Variants in SLAMF6 observed in about 807,000 individuals in gnomAD.
SLAMF6 encodes the protein SLAM family member 6.
In SLAMF6, 21 loss-of-function variants were observed where a neutral mutation model predicts 38.3. That is an observed-to-expected ratio of 0.55 (90% CI 0.39 to 0.79). SLAMF6 has a LOEUF of 0.79. Among genes scored for constraint, SLAMF6 ranks in the 30% least tolerant of loss-of-function variants. The pLI, the probability that SLAMF6 is intolerant of heterozygous loss-of-function variation, is 0.00. For synonymous variants in SLAMF6, 152 were observed against 146.3 expected (o/e 1.04, Z -0.28); for missense variants, 341 against 385.3 (o/e 0.89, Z 0.96).
Position 160,486,692 on chromosome 1 carries a change from AG to A in SLAMF6, c.*14del. ...GACGTGTCATTCCCGAATTCCTCTG[AG>A]GCCTTTCAGCAACTTACACGACATT... On this transcript the variant is annotated 3_prime_UTR_variant, in exon 8 of 8. Coordinates refer to ENST00000368057, the MANE Select transcript of SLAMF6 (RefSeq NM_001184714.2). 1 of 1,613,056 alleles carries A rather than the reference AG, an allele frequency of 6.2e-7. No homozygotes were observed. Among genetic ancestry groups the A allele is most frequent in the Non-Finnish European group, 8.5e-7 (1 of 1,179,116 alleles).
At chr1:160,510,645 A>C (rs1171785623) in intron 1 of SLAMF6, among the ~76,000 whole-genome samples, 1 of 152,210 alleles carries the variant, frequency 6.6e-6, no homozygotes, top group Non-Finnish European at 1.5e-5. Context: ...TCAAGGATAA[A>C]AGACTAAAAG....
chr1:160,491,445 C>T, intron 2 of SLAMF6, 57 bp from the exon 3 acceptor site: 1 of 1,566,390 alleles, frequency 6.4e-7, no homozygotes. Context: ...GCTCAACCCC[C>T]TGTGAAAAAT....
chr1:160,508,258 ATAC>A (rs965865859), intron 1 of SLAMF6, among the ~76,000 whole-genome samples: 96 of 152,340 alleles, frequency 6.3e-4, no homozygotes, highest in African/African-American at 2.3e-3. Flanking sequence ...ACTTCAAAAT[ATAC>A]TACAAGGCTA....
chr1:160,489,971 C>A (rs1653192387), intron 5 of SLAMF6, among the ~76,000 whole-genome samples: 1 of 152,100 alleles, frequency 6.6e-6, no homozygotes, highest in Non-Finnish European at 1.5e-5. Flanking sequence ...GTGAATGAAC[C>A]TGATATCACC....
In SLAMF6 at chr1:160,496,386, T is replaced by C. The variant is rs1571290185; in HGVS notation, c.57A>G (p.Val19=). The change falls in exon 2 of 8, where the codon GTA becomes GTG. Residue 19 remains valine (V), a synonymous_variant. Coordinates refer to ENST00000368057, the MANE Select transcript of SLAMF6 (RefSeq NM_001184714.2). ...ATGGGGTTAAGCTGCTTTGTGAAACTACATTCCCTGTAAACACAGAAGGAA... is the reference window on the plus strand; with the variant it reads ...ATGGGGTTAAGCTGCTTTGTGAAACCACATTCCCTGTAAACACAGAAGGAA... ...LFVFCFGPGN[V]VSQSSLTPLM... is the part of the protein sequence containing the mutation. 6.2e-7 allele frequency: 1 copy of C among 1,612,552 alleles called. No individual in the cohort carries two copies. The highest frequency in any genetic ancestry group is 8.5e-7 in the Non-Finnish European group (1 of 1,178,848).
At chr1:160,503,490 G>C (rs1006231631) in intron 1 of SLAMF6, among the ~76,000 whole-genome samples, 6 of 152,072 alleles carry the variant, frequency 3.9e-5, no homozygotes, top group African/African-American at 1.4e-4. Context: ...TTGTAGCCCA[G>C]GAACAGGGAA....
At chr1:160,519,504 A>G (rs976270502) in intron 1 of SLAMF6, among the ~76,000 whole-genome samples, 4 of 152,218 alleles carry the variant, frequency 2.6e-5, no homozygotes, top group Non-Finnish European at 5.9e-5. Context: ...TTGTACACAT[A>G]GCAGCACTAT....
At chr1:160,495,204 G>A (rs1274243316) in intron 2 of SLAMF6, among the ~76,000 whole-genome samples, 1 of 152,174 alleles carries the variant, frequency 6.6e-6, no homozygotes, top group Non-Finnish European at 1.5e-5. Context: ...AGGCCCTCAA[G>A]TGGATAAAAA....
intron 1 of SLAMF6, among the ~76,000 whole-genome samples, chr1:160,506,518 C>T (rs1303292609): frequency 6.6e-6 from 1 of 152,066 alleles, no homozygotes; most frequent in East Asian, 1.9e-4. Context: ...GTAAGAAATA[C>T]TAAAGGGAAT....
chr1:160,492,528 G>A (rs540672232), intron 2 of SLAMF6, among the ~76,000 whole-genome samples: 9 of 152,094 alleles, frequency 5.9e-5, no homozygotes, highest in Non-Finnish European at 1.2e-4. Context: ...CTAGTACAGG[G>A]ATGGCAAATA....
chr1:160,489,254 T>C, intron 5 of SLAMF6, 84 bp from the exon 6 acceptor site: 5 of 1,325,938 alleles, frequency 3.8e-6, no homozygotes, highest in Non-Finnish European at 5.4e-6. Context: ...GAGCACACTG[T>C]GTCCCCAGAT....
rs1041425588 is a variant in SLAMF6, at chr1:160,491,042, C to A, written c.646+83G>T. 11 of 1,546,678 alleles carry A rather than the reference C, an allele frequency of 7.1e-6. No individual in the cohort carries two copies. The African/African-American group carries it at 1.5e-4, about 21-fold the overall frequency. On this transcript the variant is annotated intron_variant, in intron 3 of 7. Coordinates refer to ENST00000368057, the MANE Select transcript of SLAMF6 (RefSeq NM_001184714.2). Reference sequence around the variant, plus strand: ...GCATTTTCTGCCTCCCACTGGGCCACTGTATTGGAAATTACGTAGGATGTG... The same window carrying A: ...GCATTTTCTGCCTCCCACTGGGCCAATGTATTGGAAATTACGTAGGATGTG...
At chr1:160,504,577 C>T (rs528642683) in intron 1 of SLAMF6, among the ~76,000 whole-genome samples, 2 of 152,292 alleles carry the variant, frequency 1.3e-5, no homozygotes, top group East Asian at 3.9e-4. Flanking sequence ...CTGTTTTCAA[C>T]TATCTGGATG....
intron 2 of SLAMF6, 32 bp downstream of exon 2, chr1:160,496,029 C>T (rs757328712): frequency 8.3e-6 from 13 of 1,562,630 alleles, no homozygotes; most frequent in African/African-American, 1.4e-5. Flanking sequence ...TTTTTCAGTC[C>T]ATATGGAATT....
At chr1:160,497,864 C>T (rs1256514706) in intron 1 of SLAMF6, among the ~76,000 whole-genome samples, 2 of 152,000 alleles carry the variant, frequency 1.3e-5, no homozygotes, top group Non-Finnish European at 2.9e-5. Flanking sequence ...ACCAAATTTT[C>T]TTTATCCAAT....
chr1:160,523,075 T>A, intron 1 of SLAMF6, 69 bp downstream of exon 1: 1 of 1,549,854 alleles, frequency 6.5e-7, no homozygotes, highest in Non-Finnish European at 8.9e-7. Flanking sequence ...TACAGACGAT[T>A]TAGGTTGAGC....
intron 1 of SLAMF6, among the ~76,000 whole-genome samples, chr1:160,501,698 C>CTTTT (rs11324483): frequency 4.7e-4 from 65 of 138,674 alleles, no homozygotes; most frequent in African/African-American, 1.6e-3. Flanking sequence ...TAATGCCTTG[C>CTTTT]TTTTTTTTTT....
chr1:160,491,388 C>T lies in SLAMF6; in HGVS notation c.383G>A (p.Arg128Lys). 1 of 1,606,924 alleles carries T rather than the reference C, an allele frequency of 6.2e-7. No individual in the cohort carries two copies. ...KLSSYTLRIL[R>K]QLRNIQVTNH... ...GGTAACTTGTATGTTCCTCAGTTGT[C>T]CTGTTTGCAGAAAAAAAAAAGATCC... Residue 128 changes from arginine to lysine, a missense_variant and splice_region_variant, in exon 3 of 8, where the codon AGA (arginine) becomes AAA (lysine). Arg to Lys is a conservative substitution (Grantham distance 26). Coordinates refer to ENST00000368057, the MANE Select transcript of SLAMF6 (RefSeq NM_001184714.2).
rs1026082031 is a variant in SLAMF6, at chr1:160,495,975, G to T, written c.382+86C>A. 7 of 1,229,562 alleles carry T rather than the reference G, an allele frequency of 5.7e-6. No individual in the cohort carries two copies. The African/African-American group carries it at 7.6e-5, about 13-fold the overall frequency. The allele number at this position is 1,229,562 out of a possible 1,614,324, so 76.2% of individuals were successfully genotyped here. A position where few individuals can be genotyped will look rare whatever the true frequency, so the allele number is the denominator to read the frequency against. On this transcript the variant is annotated intron_variant, in intron 2 of 7. Coordinates refer to ENST00000368057, the MANE Select transcript of SLAMF6 (RefSeq NM_001184714.2). ...AATGCCATATTCTTTACCACTAGGCGACAGTGCACATTTGAAGTCACATAG... is the reference window on the plus strand; with the variant it reads ...AATGCCATATTCTTTACCACTAGGCTACAGTGCACATTTGAAGTCACATAG...
Sources: gnomAD v4.1 joint callset for allele counts (sites outside exome capture counted in the v4.1 genomes callset) on GRCh38, gnomAD v4.1.1 for gene constraint, MANE v1.5 for transcripts, NCBI Gene and HGNC (gene_info 2026-07-23, HGNC 2026-07-21) for gene names.